KANSL1: variants seen among roughly 807,000 people sequenced by gnomAD.
KANSL1 encodes MLL1/MLL complex subunit KANSL1.
Under a neutral mutation model 103.6 loss-of-function variants are expected in KANSL1, and 22 were observed. That is an observed-to-expected ratio of 0.21 (90% CI 0.15 to 0.30). KANSL1 has a LOEUF of 0.30. Ranked by LOEUF, KANSL1 falls within the 10% of genes least tolerant of loss-of-function variation. The pLI is 1.00. For synonymous variants in KANSL1, 600 were observed against 527.6 expected, an observed-to-expected ratio of 1.14 and a Z score of -1.88; for missense variants, 1,337 against 1,399.8, an observed-to-expected ratio of 0.96 and a Z score of 0.72.
chr17:46,111,297 G>A (rs1385266538), intron 2 of KANSL1, among the ~76,000 whole-genome samples: 3 of 147,470 alleles, frequency 2.0e-5, no homozygotes, highest in Non-Finnish European at 4.6e-5. Flanking sequence ...TGCAACCTCC[G>A]CCTCCCGGGC....
At chr17:46,052,519 C>T (rs62063677) in intron 6 of KANSL1, among the ~76,000 whole-genome samples, 21,774 of 151,848 alleles carry the variant, frequency 0.14, 2,125 homozygotes, top group Non-Finnish European at 0.22. Flanking sequence ...GCAGGAGAAT[C>T]GCTTGAATCT....
chr17:46,091,821 G>GTATGTATGTATGTAGGTATGTATGTATA, intron 3 of KANSL1, among the ~76,000 whole-genome samples: 1 of 151,964 alleles, frequency 6.6e-6, no homozygotes, highest in Non-Finnish European at 1.5e-5. Context: ...AAGTATGTAT[G>GTATGTATGTATGTAGGTATGTATGTATA]TATGTATGTA....
At chr17:46,031,895 T>C in intron 14 of KANSL1, 152 bp downstream of exon 14, 2 of 1,167,220 alleles carry the variant, frequency 1.7e-6, no homozygotes, top group Non-Finnish European at 2.4e-6. Flanking sequence ...ATCAATACAG[T>C]TCCACTGAAC....
At chr17:46,038,932 G>A (rs762760255) in intron 9 of KANSL1, 95 bp downstream of exon 9, 2 of 1,455,300 alleles carry the variant, frequency 1.4e-6, no homozygotes, top group Non-Finnish European at 1.9e-6. Context: ...GAAAGTGAAG[G>A]ACAAAGCTGG....
chr17:46,057,650 T>C (rs1441041871), intron 6 of KANSL1, among the ~76,000 whole-genome samples: 3 of 152,164 alleles, frequency 2.0e-5, no homozygotes, highest in African/African-American at 7.2e-5. Context: ...ACGTTTCTAC[T>C]AGTTTTCAAG....
intron 5 of KANSL1, 147 bp downstream of exon 5, chr17:46,067,402 C>T: frequency 1.6e-6 from 1 of 628,786 alleles, no homozygotes; most frequent in Non-Finnish European, 2.8e-6. Context: ...TGCACTGCTT[C>T]ATTATACAGT....
At chr17:46,045,016 A>G (rs2077452600) in intron 7 of KANSL1, 1 of 149,652 alleles carries the variant, frequency 6.7e-6, no homozygotes, top group Non-Finnish European at 1.5e-5. Flanking sequence ...CTTGTTATGA[A>G]AAAAAAAAAA....
chr17:46,162,231 C>T (rs1422391113), intron 2 of KANSL1, among the ~76,000 whole-genome samples: 1 of 152,126 alleles, frequency 6.6e-6, no homozygotes, highest in Non-Finnish European at 1.5e-5. Context: ...AAGGGCATGA[C>T]CTTAGGCATG....
At chr17:46,137,396 T>G (rs570430607) in intron 2 of KANSL1, among the ~76,000 whole-genome samples, 1 of 152,252 alleles carries the variant, frequency 6.6e-6, no homozygotes, top group Non-Finnish European at 1.5e-5. Flanking sequence ...ATTTATCACA[T>G]ACAACTTACG....
intron 7 of KANSL1, chr17:46,042,001 A>G (rs8064986): frequency 0.56 from 83,672 of 150,708 alleles, 23,509 homozygotes; most frequent in East Asian, 0.89. Flanking sequence ...TCCGCTTCCC[A>G]GGTTCATGCC....
chr17:46,138,119 T>C (rs1299374858), intron 2 of KANSL1, among the ~76,000 whole-genome samples: 2 of 152,110 alleles, frequency 1.3e-5, no homozygotes, highest in Non-Finnish European at 2.9e-5. Context: ...TTTCCACACA[T>C]GCAAATACAA....
chr17:46,193,702 C>G, upstream of KANSL1: 1 of 279,050 alleles, frequency 3.6e-6, no homozygotes. Flanking sequence ...GCACGCAGCA[C>G]TGCGGCAGGG....
At chr17:46,179,371 C>A (rs1283896610) in intron 1 of KANSL1, among the ~76,000 whole-genome samples, 1 of 152,222 alleles carries the variant, frequency 6.6e-6, no homozygotes, top group Non-Finnish European at 1.5e-5. Flanking sequence ...ACAAGAATAA[C>A]CTGGAAGCAT....
chr17:46,174,730 A>G (rs1567768727), intron 1 of KANSL1, among the ~76,000 whole-genome samples: 1 of 152,200 alleles, frequency 6.6e-6, no homozygotes, highest in Non-Finnish European at 1.5e-5. Flanking sequence ...GCTAGAGTGC[A>G]GCGGCACAAT....
intron 2 of KANSL1, among the ~76,000 whole-genome samples, chr17:46,119,362 C>T (rs1048578683): frequency 1.3e-5 from 2 of 151,420 alleles, no homozygotes; most frequent in African/African-American, 4.9e-5. Context: ...CGCTCAGTTG[C>T]CCAGGCGCAA....
chr17:46,189,622 C>T (rs1268762375), intron 1 of KANSL1, among the ~76,000 whole-genome samples: 2 of 152,276 alleles, frequency 1.3e-5, no homozygotes, highest in African/African-American at 4.8e-5. Context: ...GTGGTTCATG[C>T]CTGTAATTCC....
chr17:46,041,442 TA>T (rs2077310523), intron 7 of KANSL1: 1 of 152,206 alleles, frequency 6.6e-6, no homozygotes, highest in African/African-American at 2.4e-5. Context: ...TATTCAAATC[TA>T]AAAGCCAGCA....
chr17:46,031,950 G>C (rs2077021076), intron 14 of KANSL1, 97 bp downstream of exon 14: 7 of 1,550,862 alleles, frequency 4.5e-6, no homozygotes, highest in South Asian at 3.5e-5. Context: ...CCTTCAAAAG[G>C]GGGAGGGGAT....
At chr17:46,170,823 CAAG>C in intron 2 of KANSL1, 29 bp downstream of exon 2, 1 of 1,542,560 alleles carries the variant, frequency 6.5e-7, no homozygotes, top group Non-Finnish European at 8.7e-7. Context: ...CAACATTTCT[CAAG>C]AATGCTATCA....
Sources: allele counts gnomAD v4.1 joint callset (sites outside exome capture counted in the v4.1 genomes callset), GRCh38; gene constraint gnomAD v4.1.1; transcripts MANE v1.5; gene names NCBI Gene and HGNC (gene_info 2026-07-23, HGNC 2026-07-21).